CDH18: variants seen among roughly 807,000 people sequenced by gnomAD.
CDH18 encodes cadherin 18.
A neutral mutation model predicts 67.9 loss-of-function variants in CDH18; 31 were observed. The ratio of observed to expected loss-of-function variants is 0.46; its 90% confidence interval spans 0.34 to 0.62. The LOEUF is 0.62. Among genes scored for constraint, CDH18 ranks in the 20% least tolerant of loss-of-function variants. The pLI, the probability that CDH18 is intolerant of heterozygous loss-of-function variation, is 0.01. For missense variants in CDH18, 890 were observed against 975.5 expected, an observed-to-expected ratio of 0.91 and a Z score of 1.17; for synonymous variants, 362 against 347.2, an observed-to-expected ratio of 1.04 and a Z score of -0.48.
At chr5:20,378,287 T>A (rs1359293780) in intron 1 of CDH18, among the ~76,000 whole-genome samples, 2 of 152,146 alleles carry the variant, frequency 1.3e-5, no homozygotes, top group Non-Finnish European at 2.9e-5. Flanking sequence ...TTCTCCTGCC[T>A]CAGCCTCCCT....
chr5:20,430,133 C>T (rs1019483493), intron 1 of CDH18, among the ~76,000 whole-genome samples: 12 of 152,158 alleles, frequency 7.9e-5, no homozygotes, highest in Admixed American at 7.2e-4. Context: ...GTACAGAATA[C>T]ATTCACTACA....
intron 5 of CDH18, among the ~76,000 whole-genome samples, chr5:19,714,516 T>A (rs947302324): frequency 1.3e-5 from 2 of 152,058 alleles, no homozygotes; most frequent in African/African-American, 2.4e-5. Context: ...GTGAGATTTT[T>A]TTTTTTTTTT....
chr5:19,920,512 T>C (rs1792316684), intron 2 of CDH18, among the ~76,000 whole-genome samples: 1 of 7,080 alleles, frequency 1.4e-4, no homozygotes, highest in South Asian at 0.071. Flanking sequence ...TAACCTTACT[T>C]TTTTTTTTTT....
chr5:20,300,303 C>CGTGTGTGTGT (rs67689740), intron 1 of CDH18, among the ~76,000 whole-genome samples: 95 of 148,614 alleles, frequency 6.4e-4, no homozygotes, highest in African/African-American at 1.7e-3. Flanking sequence ...TGTGTGTGTG[C>CGTGTGTGTGT]GTGTGTGTGT....
intron 5 of CDH18, among the ~76,000 whole-genome samples, chr5:19,642,249 C>A (rs949671516): frequency 2.9e-4 from 44 of 151,938 alleles, no homozygotes; most frequent in African/African-American, 7.5e-4. Flanking sequence ...AATGTCCATG[C>A]AACCCAAAGT....
intron 2 of CDH18, among the ~76,000 whole-genome samples, chr5:20,161,197 T>C (rs931819818): frequency 1.3e-5 from 2 of 152,238 alleles, no homozygotes; most frequent in South Asian, 4.1e-4. Flanking sequence ...TTCAGTTCCA[T>C]GTGACATAGC....
intron 2 of CDH18, among the ~76,000 whole-genome samples, chr5:20,059,474 A>C (rs529720889): frequency 1.4e-4 from 21 of 152,212 alleles, no homozygotes; most frequent in Middle Eastern, 3.4e-3. Context: ...TAGTGCTATA[A>C]ATTTCCCTCT....
At chr5:19,975,160 A>C (rs1798383673) in intron 2 of CDH18, among the ~76,000 whole-genome samples, 1 of 152,164 alleles carries the variant, frequency 6.6e-6, no homozygotes, top group Non-Finnish European at 1.5e-5. Flanking sequence ...TAAATCAATA[A>C]GTTATATAAA....
chr5:20,156,872 G>T (rs751372271), intron 2 of CDH18, among the ~76,000 whole-genome samples: 1 of 152,130 alleles, frequency 6.6e-6, no homozygotes, highest in Non-Finnish European at 1.5e-5. Context: ...AGAAAAATGT[G>T]ACTACAGAAA....
At chr5:20,103,824 T>C (rs1051609775) in intron 2 of CDH18, among the ~76,000 whole-genome samples, 9 of 138,502 alleles carry the variant, frequency 6.5e-5, no homozygotes, top group African/African-American at 2.1e-4. Flanking sequence ...AAAAAAAAAC[T>C]TGAGAAGAAG....
chr5:19,571,198 A>C (rs1285212559), intron 8 of CDH18, among the ~76,000 whole-genome samples: 2 of 152,228 alleles, frequency 1.3e-5, no homozygotes, highest in East Asian at 3.8e-4. Context: ...AGTCAGTTAG[A>C]GATGAGTGTT....
chr5:19,891,195 C>A (rs1198245966), intron 2 of CDH18, among the ~76,000 whole-genome samples: 1 of 152,196 alleles, frequency 6.6e-6, no homozygotes, highest in Middle Eastern at 3.4e-3. Flanking sequence ...ATCTAAGAAT[C>A]TTTCTATCTC....
chr5:20,566,526 A>ATTTTTTTTTTT (rs33950954), intron 1 of CDH18, among the ~76,000 whole-genome samples: 62 of 97,360 alleles, frequency 6.4e-4, no homozygotes, highest in East Asian at 1.6e-3. Flanking sequence ...TGCCCAGCTA[A>ATTTTTTTTTTT]TTTTTTTTTT....
chr5:20,479,617 T>C (rs908540694), intron 1 of CDH18, among the ~76,000 whole-genome samples: 4 of 151,914 alleles, frequency 2.6e-5, no homozygotes, highest in Non-Finnish European at 4.4e-5. Context: ...GACTACAAGA[T>C]CTAGAAAATA....
chr5:19,873,213 A>AT (rs1018046586), intron 2 of CDH18, among the ~76,000 whole-genome samples: 12 of 151,844 alleles, frequency 7.9e-5, no homozygotes, highest in Non-Finnish European at 1.0e-4. Context: ...AGAAAAAAAA[A>AT]AAAAAGCCTG....
At chr5:20,489,475 C>T (rs1753448566) in intron 1 of CDH18, among the ~76,000 whole-genome samples, 1 of 151,970 alleles carries the variant, frequency 6.6e-6, no homozygotes, top group African/African-American at 2.4e-5. Flanking sequence ...TAATTATATC[C>T]TTCATACTTT....
chr5:19,561,236 T>C (rs1343812869), intron 8 of CDH18, among the ~76,000 whole-genome samples: 1 of 152,074 alleles, frequency 6.6e-6, no homozygotes, highest in Admixed American at 6.6e-5. Flanking sequence ...CAATTCATAA[T>C]TGCAAAAATA....
intron 1 of CDH18, among the ~76,000 whole-genome samples, chr5:20,542,560 A>T (rs1757112444): frequency 6.6e-6 from 1 of 151,848 alleles, no homozygotes. Flanking sequence ...ATACATATAT[A>T]TACACACATG....
chr5:20,380,906 T>C (rs1220865374), intron 1 of CDH18, among the ~76,000 whole-genome samples: 2 of 152,204 alleles, frequency 1.3e-5, no homozygotes, highest in African/African-American at 4.8e-5. Context: ...GGCTGAATTA[T>C]GTAACCCCTA....
Sources: gnomAD v4.1 joint callset for allele counts (sites outside exome capture counted in the v4.1 genomes callset) on GRCh38, gnomAD v4.1.1 for gene constraint, MANE v1.5 for transcripts, NCBI Gene and HGNC (gene_info 2026-07-23, HGNC 2026-07-21) for gene names.